Variants in UGP2 observed in about 807,000 individuals in gnomAD.
The protein encoded by UGP2 is UTP--glucose-1-phosphate uridylyltransferase.
UGP2 carries 40 observed loss-of-function variants against 49.0 expected under a neutral mutation model. That is an observed-to-expected ratio of 0.82 (90% CI 0.63 to 1.06). UGP2 has a LOEUF of 1.06. Ranked by LOEUF, UGP2 falls within the 50% of genes least tolerant of loss-of-function variation. UGP2 has a pLI of 0.00. For missense variants in UGP2, 460 were observed against 603.5 expected (o/e 0.76, Z 2.49); for synonymous variants, 225 against 213.0 (o/e 1.06, Z -0.49).
At position 63,857,869 on chromosome 2, in the gene UGP2, A is replaced by G. The variant is rs376915072; in HGVS notation, c.188A>G (p.His63Arg). The G allele has an allele frequency of 2.6e-5, 42 of 1,614,026 alleles. No homozygotes were observed. Among genetic ancestry groups the G allele is most frequent in the East Asian group, 4.5e-5 (2 of 44,896 alleles). Reference protein sequence around the residue: ...KDLDGFRKLFHRFLQEKGPSV... With the variant: ...KDLDGFRKLFRRFLQEKGPSV... ...CTGGATGGATTTCGGAAGCTATTTC[A>G]TAGATTTTTGCAAGAAAAGGGGCCT... Residue 63 changes from histidine to arginine, a missense_variant, in exon 3 of 10, where the codon CAT becomes CGT. Physicochemically the swap from His to Arg is conservative, Grantham distance 29. Around this residue, in one of 2 missense-constraint regions of UGP2, gnomAD observed 143 missense variants for 130.4 expected, o/e 1.10. Transcript: ENST00000337130.
At chr2:63,878,162 A>C (rs1194991223) in intron 3 of UGP2, among the ~76,000 whole-genome samples, 2 of 152,116 alleles carry the variant, frequency 1.3e-5, no homozygotes, top group Admixed American at 6.5e-5. Context: ...TTTTTGTGCA[A>C]ACAGCCTATA....
At chr2:63,874,851 C>T (rs966969302) in intron 3 of UGP2, among the ~76,000 whole-genome samples, 4 of 151,942 alleles carry the variant, frequency 2.6e-5, no homozygotes, top group African/African-American at 7.3e-5. Context: ...AACCAGCTCC[C>T]CTCTGCCTTC....
intron 1 of UGP2, chr2:63,842,556 C>T: frequency 6.6e-7 from 1 of 1,511,960 alleles, no homozygotes; most frequent in Non-Finnish European, 8.8e-7. Context: ...TGCGTGCACG[C>T]AGACGGGAAG....
At chr2:63,871,568 G>A (rs1199781042) in intron 3 of UGP2, among the ~76,000 whole-genome samples, 1 of 152,274 alleles carries the variant, frequency 6.6e-6, no homozygotes, top group Non-Finnish European at 1.5e-5. Context: ...TTACAGGCGT[G>A]AGCCACTGTG....
In UGP2 at chr2:63,882,472, C is replaced by G. The variant is rs1421136755; in HGVS notation, c.262C>G (p.Pro88Ala). The G allele has an allele frequency of 2.5e-6, 4 of 1,571,402 alleles. No individual in the cohort carries two copies. The highest frequency in any genetic ancestry group is 3.5e-6 in the Non-Finnish European group (4 of 1,151,226). The change falls in exon 4 of 10, where the codon CCC becomes GCC. Residue 88 changes from proline (P) to alanine (A), a missense_variant. This residue lies in a region of UGP2 where 143 missense variants were observed against 130.4 expected (regional missense o/e 1.10). Transcript: ENST00000337130. Reference protein sequence around the residue: ...IQRPPEDSIQPYEKIKARGLP... With the variant: ...IQRPPEDSIQAYEKIKARGLP... ...AATGTTATTTTTCTTTCAGATTCAA[C>G]CCTATGAAAAGATAAAGGCCAGGGG...
chr2:63,876,337 A>G (rs773747483), intron 3 of UGP2, among the ~76,000 whole-genome samples: 10 of 152,124 alleles, frequency 6.6e-5, no homozygotes, highest in African/African-American at 1.7e-4. Flanking sequence ...TCAAATGACT[A>G]GTACCTTTGT....
chr2:63,873,647 C>T (rs1281625187), intron 3 of UGP2, among the ~76,000 whole-genome samples: 1 of 151,986 alleles, frequency 6.6e-6, no homozygotes, highest in Admixed American at 6.6e-5. Flanking sequence ...AAGCGCAAGG[C>T]CTTACAAGCA....
Position 63,887,572 on chromosome 2 carries a change from ATC to A in UGP2, c.1246_1247del (p.Leu416AspfsTer4). On this transcript the variant is annotated frameshift_variant, in exon 8 of 10. Coordinates refer to ENST00000337130, the MANE Select transcript of UGP2 (RefSeq NM_006759.4). LOFTEE classifies it high-confidence loss of function. ...CAAACCTCTATAGTCTTAATGCAGG[ATC>A]TCTGACAATGAGTGAAAAGCGGGAA... Reference protein sequence around the residue: ...MSNLYSLNAGSLTMSEKREFP... With the variant: ...MSNLYSLNAGXLTMSEKREFP... 1 of 1,614,176 alleles carries A rather than the reference ATC, an allele frequency of 6.2e-7. No individual in the cohort carries two copies.
rs1671879477 is a variant in UGP2 at position 63,888,929 on chromosome 2, TTGGCCTA to T, written c.1315-1148_1315-1142del. ...AATGTGACACTGTGAGCCTTTGTGG[TTGGCCTA>T]TGGGGTCCTGCTCTGCCATCCAAGT... On this transcript the variant is annotated intron_variant, in intron 8 of 9. Coordinates refer to ENST00000337130, the MANE Select transcript of UGP2 (RefSeq NM_006759.4). 2.0e-5 allele frequency: 3 copies of T among 152,372 alleles called. 1 individual carries two copies. The South Asian group carries it at 6.2e-4, about 32-fold the overall frequency. The allele number at this position is 152,372 out of a possible 1,614,324, so 9.4% of individuals were successfully genotyped here.
chr2:63,857,667 G>A, intron 2 of UGP2, 162 bp from the exon 3 acceptor site: 1 of 745,144 alleles, frequency 1.3e-6, no homozygotes, highest in South Asian at 1.5e-5. Context: ...CGCCCAGCCT[G>A]TATTAGCTTT....
chr2:63,874,598 G>A (rs1273429315), intron 3 of UGP2, among the ~76,000 whole-genome samples: 1 of 152,178 alleles, frequency 6.6e-6, no homozygotes, highest in Non-Finnish European at 1.5e-5. Context: ...GGTCTGTTGT[G>A]TCAGATGTAT....
intron 4 of UGP2, chr2:63,883,291 C>G (rs770804910): frequency 1.3e-5 from 2 of 152,146 alleles, no homozygotes; most frequent in Non-Finnish European, 2.9e-5. Context: ...TACTGTTATC[C>G]CCATTTTACC....
intron 1 of UGP2, among the ~76,000 whole-genome samples, chr2:63,850,481 A>G (rs1297279303): frequency 6.6e-6 from 1 of 152,232 alleles, no homozygotes; most frequent in East Asian, 1.9e-4. Context: ...TTTATCATTG[A>G]ATGACATGGA....
At chr2:63,883,887 TAAG>T in intron 4 of UGP2, 70 bp from the exon 5 acceptor site, 1 of 1,520,224 alleles carries the variant, frequency 6.6e-7, no homozygotes, top group Middle Eastern at 1.8e-4. Flanking sequence ...ATTTAACCAT[TAAG>T]AACTAATTTT....
At position 63,887,512 on chromosome 2, in the gene UGP2, T is replaced by A; in HGVS notation, c.1182T>A (p.Pro394=). Residue 394 remains proline (P), a synonymous_variant, in exon 8 of 10, where the codon CCT becomes CCA. Transcript: ENST00000337130. ...ATGTGCCAAGGAGCCGTTTTCTGCCTGTCAAAACCACATCAGATCTCTTGC... is the reference window on the plus strand; with the variant it reads ...ATGTGCCAAGGAGCCGTTTTCTGCCAGTCAAAACCACATCAGATCTCTTGC... ...GINVPRSRFL[P]VKTTSDLLLV... 6.2e-7 allele frequency: 1 copy of A among 1,614,126 alleles called. No homozygotes were observed. The highest frequency in any genetic ancestry group is 8.5e-7 in the Non-Finnish European group (1 of 1,180,010).
intron 3 of UGP2, among the ~76,000 whole-genome samples, chr2:63,873,407 T>G (rs889113062): frequency 2.6e-5 from 4 of 152,198 alleles, no homozygotes; most frequent in African/African-American, 9.6e-5. Flanking sequence ...GAATGACTTC[T>G]GTTACTAAGA....
chr2:63,874,423 C>T (rs749232581), intron 3 of UGP2, among the ~76,000 whole-genome samples: 11 of 151,996 alleles, frequency 7.2e-5, no homozygotes, highest in Admixed American at 2.0e-4. Flanking sequence ...TCTTAGCAGC[C>T]GAGTATGTTA....
chr2:63,857,069 G>T (rs1028525728), intron 2 of UGP2, among the ~76,000 whole-genome samples: 3 of 152,092 alleles, frequency 2.0e-5, no homozygotes, highest in African/African-American at 7.2e-5. Context: ...GGAGACCAAG[G>T]CAGGAGGATT....
chr2:63,867,020 A>G (rs1670229505), intron 3 of UGP2, among the ~76,000 whole-genome samples: 1 of 152,318 alleles, frequency 6.6e-6, no homozygotes, highest in South Asian at 2.1e-4. Context: ...TTTCTCAGGG[A>G]TAGCTGAGCT....
Sources: allele counts gnomAD v4.1 joint callset (sites outside exome capture counted in the v4.1 genomes callset), GRCh38; gene constraint gnomAD v4.1.1; regional missense constraint gnomAD v4.1.1; transcripts MANE v1.5; gene names NCBI Gene and HGNC (gene_info 2026-07-23, HGNC 2026-07-21).